Variants in GSE1 observed in about 807,000 individuals in gnomAD.
GSE1 encodes the protein Gse1 coiled-coil protein, also known as genetic suppressor element 1.
A neutral mutation model predicts 112.6 loss-of-function variants in GSE1; 32 were observed. The observed-to-expected ratio is 0.28, with a 90% CI of 0.21 to 0.38. The LOEUF is 0.38. GSE1 is among the 10% of genes least tolerant of loss of function. The pLI, the probability that GSE1 is intolerant of heterozygous loss-of-function variation, is 1.00. For synonymous variants in GSE1, 1,115 were observed against 735.6 expected, an observed-to-expected ratio of 1.52 and a Z score of -8.35; for missense variants, 2,348 against 1,699.2, an observed-to-expected ratio of 1.38 and a Z score of -6.71.
chr16:85,231,347 A>G (rs540836168), intron 1 of GSE1, among the ~76,000 whole-genome samples: 1 of 150,654 alleles, frequency 6.6e-6, no homozygotes, highest in South Asian at 2.1e-4. Flanking sequence ...GGATGGACAG[A>G]TGGATGATGG....
rs746128634 is a variant in GSE1 at position 85,672,394 on chromosome 16, CCT to C, written c.3520-5_3520-4del. ...ACGGGTTGGTTTTGACACAAATTTC[CCT>C]CTCTCCAGGAGTTGAGGAGCCAGAA... is the stretch of plus-strand genomic sequence containing the variant. On this transcript the variant is annotated splice_polypyrimidine_tract_variant and intron_variant, in intron 15 of 15. Transcript: ENST00000253458. 21 of 1,605,884 alleles carry C rather than the reference CCT, an allele frequency of 1.3e-5. 1 individual carries two copies. The South Asian group carries it at 1.5e-4, about 12-fold the overall frequency.
At chr16:85,262,690 C>G (rs202051530) in intron 1 of GSE1, among the ~76,000 whole-genome samples, 1 of 152,162 alleles carries the variant, frequency 6.6e-6, no homozygotes, top group African/African-American at 2.4e-5. Context: ...AGTGGGAGTC[C>G]GAGACTCCAT....
rs1491521509 is a variant in GSE1 at position 85,331,708 on chromosome 16, T to TATATA, written c.2284-25755_2284-25754insATATA. On this transcript the variant is annotated intron_variant, in intron 1 of 2. Transcript: ENST00000637419. ...GTGTATATATATATATATATATATA[T>TATATA]TTTTTTTTTTTTTTTTTTTAGTTAA... Among the ~76,000 whole-genome samples, 8 of 13,116 alleles carry TATATA rather than the reference T, an allele frequency of 6.1e-4. 2 individuals are homozygous for TATATA. Among genetic ancestry groups the TATATA allele is most frequent in the African/African-American group, 1.6e-3 (7 of 4,292 alleles). 8.6% of individuals were successfully genotyped at this position (13,116 alleles called of 152,430 possible). A position where few individuals can be genotyped will look rare whatever the true frequency, so the allele number is the denominator to read the frequency against.
At chr16:85,187,008 C>T (rs1459338337) in intron 1 of GSE1, among the ~76,000 whole-genome samples, 5 of 152,238 alleles carry the variant, frequency 3.3e-5, no homozygotes, top group Non-Finnish European at 7.3e-5. Flanking sequence ...GAGGCCAGCC[C>T]TGCTGAGCAT....
rs764918398 is a variant in GSE1, at chr16:85,670,953, T to C, written c.3416-42T>C. 4.0e-6 allele frequency: 5 copies of C among 1,265,410 alleles called. No homozygotes were observed. The South Asian group carries it at 4.8e-5, about 12-fold the overall frequency. The allele number at this position is 1,265,410 out of a possible 1,614,324, so 78.4% of individuals were successfully genotyped here. A position where few individuals can be genotyped will look rare whatever the true frequency, so the allele number is the denominator to read the frequency against. On this transcript the variant is annotated intron_variant, in intron 14 of 15. Coordinates refer to ENST00000253458, the MANE Select transcript of GSE1 (RefSeq NM_014615.5). ...GAGAGCACAAAGCGGGCCTTCGGGC[T>C]CCTGCATACGGAAAATACATCACCA...
intron 1 of GSE1, among the ~76,000 whole-genome samples, chr16:85,337,838 G>A (rs990048243): frequency 1.2e-4 from 18 of 152,230 alleles, no homozygotes; most frequent in Non-Finnish European, 2.1e-4. Flanking sequence ...CACTGCATGC[G>A]GCGCCGTCAG....
intron 1 of GSE1, among the ~76,000 whole-genome samples, chr16:85,195,378 C>T (rs1190876333): frequency 3.3e-5 from 5 of 152,038 alleles, no homozygotes; most frequent in South Asian, 4.1e-4. Flanking sequence ...AGGTGGGGGC[C>T]GTAACCCTGG....
chr16:85,527,623 G>A (rs1053626218), intron 2 of GSE1, among the ~76,000 whole-genome samples: 2 of 152,268 alleles, frequency 1.3e-5, no homozygotes, highest in African/African-American at 2.4e-5. Flanking sequence ...ATGGAGTTCC[G>A]GGACCAGCAG....
intron 1 of GSE1, among the ~76,000 whole-genome samples, chr16:85,344,139 C>T (rs906185179): frequency 6.6e-6 from 1 of 152,208 alleles, no homozygotes; most frequent in South Asian, 2.1e-4. Flanking sequence ...ATCCAAATCT[C>T]TGGCACTGGG....
chr16:85,368,133 C>T (rs986702203), intron 2 of GSE1, among the ~76,000 whole-genome samples: 6 of 152,264 alleles, frequency 3.9e-5, no homozygotes, highest in Middle Eastern at 3.4e-3. Flanking sequence ...GGATTACAGG[C>T]GTGAGCCACC....
At chr16:85,381,565 A>T (rs752059133) in intron 2 of GSE1, among the ~76,000 whole-genome samples, 17 of 152,188 alleles carry the variant, frequency 1.1e-4, no homozygotes, top group Non-Finnish European at 2.1e-4. Context: ...AATATTCATA[A>T]CCTCACTAAG....
intron 2 of GSE1, among the ~76,000 whole-genome samples, chr16:85,364,776 C>T (rs1314385160): frequency 5.9e-5 from 9 of 152,180 alleles, no homozygotes; most frequent in Admixed American, 2.0e-4. Flanking sequence ...CCCAGACGCA[C>T]GGGGAGCAGG....
intron 2 of GSE1, among the ~76,000 whole-genome samples, chr16:85,547,282 G>A (rs1192576874): frequency 6.6e-6 from 1 of 152,198 alleles, no homozygotes; most frequent in African/African-American, 2.4e-5. Flanking sequence ...CTGGGTGGCA[G>A]CTTAAAACAA....
At chr16:85,662,841 G>A (rs2052543152) in intron 9 of GSE1, 140 bp from the exon 10 acceptor site, 1 of 625,900 alleles carries the variant, frequency 1.6e-6, no homozygotes, top group Admixed American at 2.7e-5. Context: ...CACCTCGGTT[G>A]AAAGGAACTG....
At chr16:85,436,264 C>T (rs2049244313) in intron 2 of GSE1, among the ~76,000 whole-genome samples, 1 of 152,208 alleles carries the variant, frequency 6.6e-6, no homozygotes. Flanking sequence ...TATCAGAGCG[C>T]AGGAGTCCTG....
In GSE1 at chr16:85,673,161, C is replaced by G. The variant is rs1436483035; in HGVS notation, c.*622C>G. 6.6e-6 allele frequency: 1 copy of G among 152,396 alleles called. No individual in the cohort carries two copies. The highest frequency in any genetic ancestry group is 2.4e-5 in the African/African-American group (1 of 41,408). 9.4% of individuals were successfully genotyped at this position (152,396 alleles called of 1,614,324 possible). ...GCTCTTTCTTACCTAAAGATAAAAC[C>G]AATTCACAAACTGAAGGTAGCTTTT... On this transcript the variant is annotated 3_prime_UTR_variant, in exon 16 of 16. Coordinates refer to ENST00000253458, the MANE Select transcript of GSE1 (RefSeq NM_014615.5).
intron 1 of GSE1, among the ~76,000 whole-genome samples, chr16:85,183,670 G>A (rs2074641791): frequency 6.6e-6 from 1 of 152,240 alleles, no homozygotes; most frequent in African/African-American, 2.4e-5. Context: ...CCTGTCTTAG[G>A]CTTGGCTGTA....
chr16:85,639,080 C>T (rs148451947), intron 2 of GSE1, among the ~76,000 whole-genome samples: 1 of 152,228 alleles, frequency 6.6e-6, no homozygotes, highest in African/African-American at 2.4e-5. Flanking sequence ...CAGCCCCTTC[C>T]CAGCGACCGG....
chr16:85,479,259 C>T (rs4783221), intron 2 of GSE1, among the ~76,000 whole-genome samples: 19,254 of 137,144 alleles, frequency 0.14, 1,730 homozygotes, highest in East Asian at 0.28. Flanking sequence ...GTCTTGATCT[C>T]CTGACCCCGT....
Sources: gnomAD v4.1 joint callset for allele counts (sites outside exome capture counted in the v4.1 genomes callset) on GRCh38, gnomAD v4.1.1 for gene constraint, MANE v1.5 for transcripts, NCBI Gene and HGNC (gene_info 2026-07-23, HGNC 2026-07-21) for gene names.